The following GYG1 variants were observed in gnomAD, a reference collection of about 807,000 sequenced individuals.
GYG1 encodes glycogenin 1.
GYG1 carries 44 observed loss-of-function variants against 41.9 expected under a neutral mutation model. The observed-to-expected ratio is 1.05, with a 90% confidence interval of 0.83 to 1.35. GYG1 has a LOEUF of 1.35. GYG1 is among the 40% of genes most tolerant of loss of function. GYG1 has a pLI of 0.00. For missense variants in GYG1, 429 were observed against 418.9 expected (o/e 1.02, Z -0.21); for synonymous variants, 141 against 158.1 (o/e 0.89, Z 0.81).
chr3:149,028,483 AAAG>A lies in GYG1; in HGVS notation c.*1554_*1556del, dbSNP rs1165180250. 5.9e-5 allele frequency among the ~76,000 whole-genome samples: 9 copies of A among 152,216 alleles called. No individual in the cohort carries two copies. The highest frequency in any genetic ancestry group is 1.0e-4 in the Non-Finnish European group (7 of 68,032). On this transcript the variant is annotated 3_prime_UTR_variant, in exon 8 of 8. Transcript: ENST00000345003. ...CTCCATGTGTCAGATGCTGTGGTAC[AAAG>A]AAGGACTTCTCAAAATTTTAGCTAG... is the stretch of plus-strand genomic sequence containing the variant.
chr3:148,993,160 T>C (rs1392184052), intron 1 of GYG1, among the ~76,000 whole-genome samples: 1 of 152,012 alleles, frequency 6.6e-6, no homozygotes, highest in Non-Finnish European at 1.5e-5. Flanking sequence ...TGGCCCAGAA[T>C]TGTCCCAGGG....
chr3:149,003,992 T>C (rs1485413915), intron 4 of GYG1: 1 of 152,248 alleles, frequency 6.6e-6, no homozygotes, highest in Non-Finnish European at 1.5e-5. Flanking sequence ...GCATCCATGG[T>C]TACCAGGTAT....
chr3:149,014,400 G>A (rs752859627), intron 5 of GYG1, among the ~76,000 whole-genome samples: 12 of 152,154 alleles, frequency 7.9e-5, no homozygotes, highest in East Asian at 3.8e-4. Flanking sequence ...GAGTGAGATC[G>A]CATGGGCAGA....
intron 5 of GYG1, among the ~76,000 whole-genome samples, chr3:149,021,403 A>T (rs558068628): frequency 1.3e-5 from 2 of 152,352 alleles, no homozygotes; most frequent in Admixed American, 6.5e-5. Flanking sequence ...ATAAAGAGTA[A>T]GCTTGGGGAT....
intron 4 of GYG1, 187 bp from the exon 5 acceptor site, chr3:149,009,089 G>T (rs1462628570): frequency 3.8e-6 from 2 of 533,114 alleles, no homozygotes; most frequent in Admixed American, 6.4e-5. Flanking sequence ...AACCCAGGAG[G>T]CAGAGGTTGC....
rs1248145419 is a variant in GYG1 at position 148,996,788 on chromosome 3, C to G, written c.365C>G (p.Ala122Gly). 1.2e-6 allele frequency: 2 copies of G among 1,613,410 alleles called. No individual in the cohort carries two copies. Among genetic ancestry groups the G allele is most frequent in the Admixed American group, 3.3e-5 (2 of 60,006 alleles). Residue 122 changes from alanine to glycine, a missense_variant, in exon 4 of 8, where the codon GCA becomes GGA. Coordinates refer to ENST00000345003, the MANE Select transcript of GYG1 (RefSeq NM_004130.4). ...CTTTTTGACAGAGAAGAATTGTCAGCAGCACCAGACCCAGGGTGGCCTGAC... is the reference window on the plus strand; with the variant it reads ...CTTTTTGACAGAGAAGAATTGTCAGGAGCACCAGACCCAGGGTGGCCTGAC... Reference protein sequence around the residue: ...DDLFDREELSAAPDPGWPDCF... With the variant: ...DDLFDREELSGAPDPGWPDCF...
chr3:149,023,289 G>A (rs528033912), intron 5 of GYG1, among the ~76,000 whole-genome samples: 1 of 152,334 alleles, frequency 6.6e-6, no homozygotes, highest in South Asian at 2.1e-4. Context: ...CATCAGGTGG[G>A]AAAGTGTCCT....
rs768562883 is a variant in GYG1 at position 149,024,145 on chromosome 3, A to G, written c.701A>G (p.Glu234Gly). 4 of 1,613,766 alleles carry G rather than the reference A, an allele frequency of 2.5e-6. No individual in the cohort carries two copies. The South Asian group carries it at 4.4e-5, about 18-fold the overall frequency. The part of the protein sequence containing the change: ...YDPKTKSVKS[E>G]AHDPNMTHPE... ...CCCAAAACAAAAAGTGTCAAAAGTG[A>G]GGCCCATGATCCCAACATGACTCAT... Residue 234 changes from glutamate (E) to glycine (G), a missense_variant, in exon 6 of 8, where the codon GAG becomes GGG. Glu to Gly is a moderately conservative substitution (Grantham distance 98, BLOSUM62 -2). Transcript: ENST00000345003.
chr3:148,994,206 A>T lies in GYG1; in HGVS notation c.72A>T (p.Ser24=), dbSNP rs756547220. 9 of 1,613,828 alleles carry T rather than the reference A, an allele frequency of 5.6e-6. 1 individual carries two copies. In the South Asian group the frequency reaches 8.8e-5, roughly 16 times the overall value. The change falls in exon 2 of 8, where the codon TCA becomes TCT. Residue 24 remains serine, a synonymous_variant. Coordinates refer to ENST00000345003, the MANE Select transcript of GYG1 (RefSeq NM_004130.4). ...AYAKGALVLG[S]SLKQHRTTRR... ...CCAAAGGTGCCCTGGTCCTGGGATC[A>T]TCTCTGAAACAGCACAGGACCACCA...
intron 5 of GYG1, among the ~76,000 whole-genome samples, chr3:149,016,078 G>A (rs1227102900): frequency 6.6e-6 from 1 of 151,790 alleles, no homozygotes; most frequent in Non-Finnish European, 1.5e-5. Context: ...CTGGCTAACA[G>A]TGAAACCCCG....
chr3:149,017,399 C>CTT (rs67169823), intron 5 of GYG1, among the ~76,000 whole-genome samples: 5 of 144,652 alleles, frequency 3.5e-5, no homozygotes, highest in Non-Finnish European at 4.6e-5. Context: ...TGTACTCAAC[C>CTT]TTTTTTTTTT....
intron 6 of GYG1, among the ~76,000 whole-genome samples, chr3:149,024,938 C>G (rs1714572347): frequency 6.6e-6 from 1 of 152,148 alleles, no homozygotes; most frequent in African/African-American, 2.4e-5. Flanking sequence ...AATAAGAGAA[C>G]AGAATGGTGG....
chr3:148,995,448 C>T (rs2107886003), intron 2 of GYG1, among the ~76,000 whole-genome samples: 1 of 152,248 alleles, frequency 6.6e-6, no homozygotes, highest in East Asian at 1.9e-4. Context: ...GTATATCTTT[C>T]ACACTAATAC....
chr3:149,026,452 C>CT lies in GYG1; in HGVS notation c.832dup (p.Ser278PhefsTer15), dbSNP rs760872938. The CT allele has an allele frequency of 1.3e-5, 21 of 1,595,146 alleles. No individual in the cohort carries two copies. The South Asian group carries it at 1.7e-4, about 13-fold the overall frequency. On this transcript the variant is annotated frameshift_variant and splice_region_variant, in exon 7 of 8. Coordinates refer to ENST00000345003, the MANE Select transcript of GYG1 (RefSeq NM_004130.4). LOFTEE classifies it high-confidence loss of function. ...ACACTTTCTAATGAACTGTTTGCAG[C>CT]TTTCAGACTTGGTCTATACACTGGC...
At position 149,029,073 on chromosome 3, in the gene GYG1, G is replaced by C. The variant is rs779812082; in HGVS notation, c.*2140G>C. 7.2e-5 allele frequency among the ~76,000 whole-genome samples: 11 copies of C among 152,188 alleles called. No individual in the cohort carries two copies. Among genetic ancestry groups the C allele is most frequent in the Non-Finnish European group, 1.3e-4 (9 of 68,030 alleles). ...TATTATTAACTTTTGGAATCAGAAA[G>C]AATGACAAGCTTACCATAAGACATA... is the stretch of plus-strand genomic sequence containing the variant. On this transcript the variant is annotated 3_prime_UTR_variant, in exon 8 of 8. Coordinates refer to ENST00000345003, the MANE Select transcript of GYG1 (RefSeq NM_004130.4).
In GYG1 at chr3:148,991,575, C is replaced by A. The variant is rs974841446; in HGVS notation, c.-66C>A. 3 of 1,537,056 alleles carry A rather than the reference C, an allele frequency of 2.0e-6. No individual in the cohort carries two copies. In the Admixed American group the frequency reaches 5.8e-5, roughly 30 times the overall value. On this transcript the variant is annotated 5_prime_UTR_variant, in exon 1 of 8. Coordinates refer to ENST00000345003, the MANE Select transcript of GYG1 (RefSeq NM_004130.4). ...GCCTCCTCGCTGGCCGCGCTCCCTC[C>A]CGGTGCCGGCTTCTCTGAGTCACCA...
intron 5 of GYG1, among the ~76,000 whole-genome samples, chr3:149,022,831 ATTGT>A (rs1003134020): frequency 3.3e-5 from 5 of 151,900 alleles, no homozygotes; most frequent in Non-Finnish European, 7.4e-5. Context: ...TATATATGTA[ATTGT>A]TTGACCCGTT....
intron 4 of GYG1, chr3:149,003,893 A>C (rs1559837231): frequency 6.6e-6 from 1 of 152,220 alleles, no homozygotes; most frequent in Non-Finnish European, 1.5e-5. Context: ...CAAAGTACAC[A>C]AGCATTGAAC....
chr3:148,998,751 A>G (rs948260179), intron 4 of GYG1, among the ~76,000 whole-genome samples: 3 of 152,232 alleles, frequency 2.0e-5, no homozygotes, highest in Non-Finnish European at 4.4e-5. Context: ...CAAAAGATGT[A>G]TTCCTTATTT....
Sources: gnomAD v4.1 joint callset for allele counts (sites outside exome capture counted in the v4.1 genomes callset) on GRCh38, gnomAD v4.1.1 for gene constraint, MANE v1.5 for transcripts, NCBI Gene and HGNC (gene_info 2026-07-23, HGNC 2026-07-21) for gene names.